The following ARHGAP42 variants were observed in gnomAD, a reference collection of about 807,000 sequenced individuals.
ARHGAP42 encodes rho GTPase-activating protein 42.
ARHGAP42 carries 63 observed loss-of-function variants against 125.0 expected under a neutral mutation model. The ratio of observed to expected loss-of-function variants is 0.50; its 90% confidence interval spans 0.41 to 0.62. ARHGAP42 has a LOEUF of 0.62. Among genes scored for constraint, ARHGAP42 ranks in the 20% least tolerant of loss-of-function variants. The probability of loss-of-function intolerance (pLI) is 0.00; values close to 1 mark genes in which losing one functional copy is unlikely to be tolerated. For synonymous variants in ARHGAP42, 339 were observed against 351.0 expected (o/e 0.97, Z 0.38); for missense variants, 766 against 1,024.2 (o/e 0.75, Z 3.44).
chr11:100,721,268 G>A (rs1044401488), intron 1 of ARHGAP42, among the ~76,000 whole-genome samples: 3 of 151,792 alleles, frequency 2.0e-5, no homozygotes, highest in Admixed American at 6.6e-5. Context: ...CAACTCTCCC[G>A]TGCTTTTCTC....
At chr11:100,864,148 G>A (rs180796199) in intron 4 of ARHGAP42, among the ~76,000 whole-genome samples, 265 of 151,764 alleles carry the variant, frequency 1.7e-3, no homozygotes, top group African/African-American at 6.1e-3. Flanking sequence ...TACATAGACC[G>A]GCTGACTCTG....
At chr11:100,895,945 C>G (rs1218664435) in intron 4 of ARHGAP42, among the ~76,000 whole-genome samples, 2 of 152,086 alleles carry the variant, frequency 1.3e-5, no homozygotes, top group Non-Finnish European at 2.9e-5. Flanking sequence ...CACCCATCAA[C>G]TCGTCATTTA....
intron 20 of ARHGAP42, 67 bp downstream of exon 20, chr11:100,976,504 A>G (rs1858395678): frequency 1.4e-6 from 2 of 1,457,280 alleles, no homozygotes; most frequent in African/African-American, 1.4e-5. Context: ...ATTATTCAGC[A>G]TGGTTAAGCA....
At chr11:100,787,861 A>T (rs1462275424) in intron 2 of ARHGAP42, among the ~76,000 whole-genome samples, 1 of 152,166 alleles carries the variant, frequency 6.6e-6, no homozygotes, top group Non-Finnish European at 1.5e-5. Flanking sequence ...CCAAAGTAGG[A>T]ATTCTTTACA....
At chr11:100,795,881 T>C (rs1281265098) in intron 3 of ARHGAP42, among the ~76,000 whole-genome samples, 1 of 152,214 alleles carries the variant, frequency 6.6e-6, no homozygotes, top group Non-Finnish European at 1.5e-5. Flanking sequence ...GTGATAACGA[T>C]GCTGATAGTC....
chr11:100,902,988 T>C (rs1226147577), intron 4 of ARHGAP42, among the ~76,000 whole-genome samples: 6 of 152,148 alleles, frequency 3.9e-5, no homozygotes, highest in African/African-American at 1.4e-4. Flanking sequence ...TGAATGGAGA[T>C]GTGCCATAGA....
chr11:100,981,893 CTTAGCTTG>C (rs1858553879), intron 22 of ARHGAP42, among the ~76,000 whole-genome samples: 1 of 152,126 alleles, frequency 6.6e-6, no homozygotes. Flanking sequence ...AGCTTCTGAT[CTTAGCTTG>C]TGCATATGTA....
At chr11:100,714,182 T>C (rs1235666820) in intron 1 of ARHGAP42, among the ~76,000 whole-genome samples, 5 of 152,150 alleles carry the variant, frequency 3.3e-5, no homozygotes, top group Non-Finnish European at 5.9e-5. Flanking sequence ...TAGCAGAGCT[T>C]TTATATGATC....
Position 100,779,543 on chromosome 11 carries a change from TATATATACATATAC to T in ARHGAP42, c.250+9109_250+9122del, listed in dbSNP as rs1172116950. Among the ~76,000 whole-genome samples, 14 of 41,140 alleles carry T rather than the reference TATATATACATATAC, an allele frequency of 3.4e-4. 1 individual carries two copies. Among genetic ancestry groups the T allele is most frequent in the Non-Finnish European group, 9.6e-4 (14 of 14,650 alleles). 27.0% of individuals were successfully genotyped at this position (41,140 alleles called of 152,430 possible). ...ACGTATACATGCGTATATATACGTATATATATACATATACATACGTATATATACGTATATATACA... is the reference window on the plus strand; with the variant it reads ...ACGTATACATGCGTATATATACGTATATACGTATATATACGTATATATACA... On this transcript the variant is annotated intron_variant, in intron 2 of 23. Transcript: ENST00000298815.
intron 4 of ARHGAP42, among the ~76,000 whole-genome samples, chr11:100,904,502 C>T (rs1358881092): frequency 6.6e-6 from 1 of 152,198 alleles, no homozygotes; most frequent in African/African-American, 2.4e-5. Flanking sequence ...CCGCCTCGGC[C>T]TCCCAAAGTG....
intron 4 of ARHGAP42, among the ~76,000 whole-genome samples, chr11:100,878,691 G>A (rs528418256): frequency 2.6e-5 from 4 of 152,246 alleles, no homozygotes; most frequent in African/African-American, 7.2e-5. Flanking sequence ...GGAAGAGGAG[G>A]AGAAATGAGT....
chr11:100,925,007 T>A (rs1203281550), intron 6 of ARHGAP42, among the ~76,000 whole-genome samples: 3 of 151,916 alleles, frequency 2.0e-5, no homozygotes, highest in Admixed American at 2.0e-4. Context: ...AATTTTTATA[T>A]TTTTAGTAGA....
intron 2 of ARHGAP42, among the ~76,000 whole-genome samples, chr11:100,787,311 G>C (rs1035327689): frequency 1.3e-5 from 2 of 151,712 alleles, no homozygotes; most frequent in African/African-American, 4.8e-5. Context: ...TCCCCTATGT[G>C]CACTCTATCT....
chr11:100,935,022 C>T (rs1251913528), intron 7 of ARHGAP42, among the ~76,000 whole-genome samples: 3 of 151,710 alleles, frequency 2.0e-5, no homozygotes, highest in African/African-American at 7.3e-5. Flanking sequence ...CATTAAGATT[C>T]CTAGGATTCA....
intron 1 of ARHGAP42, among the ~76,000 whole-genome samples, chr11:100,688,200 G>C (rs1214922534): frequency 6.6e-6 from 1 of 152,056 alleles, no homozygotes; most frequent in Admixed American, 6.5e-5. Context: ...GGAATCAAGA[G>C]TTTGTCTTAA....
At chr11:100,921,721 G>A (rs1170446704) in intron 6 of ARHGAP42, 117 bp downstream of exon 6, 8 of 668,350 alleles carry the variant, frequency 1.2e-5, no homozygotes, top group African/African-American at 3.7e-5. Flanking sequence ...AAAAATAAAA[G>A]GGGAGTGGGA....
intron 22 of ARHGAP42, among the ~76,000 whole-genome samples, chr11:100,981,229 G>A (rs116402508): frequency 0.014 from 2,072 of 152,298 alleles, 48 homozygotes; most frequent in African/African-American, 0.047. Context: ...CAGGTGCTCT[G>A]TAGATGGTTT....
intron 7 of ARHGAP42, among the ~76,000 whole-genome samples, chr11:100,933,562 T>C (rs758621055): frequency 4.6e-5 from 7 of 152,166 alleles, no homozygotes; most frequent in Non-Finnish European, 7.4e-5. Context: ...AACACTGTAT[T>C]GAATACTTGA....
chr11:100,934,775 A>C lies in ARHGAP42; in HGVS notation c.703-1428A>C, dbSNP rs546604400. Among the ~76,000 whole-genome samples the C allele has an allele frequency of 3.9e-5, 6 of 152,342 alleles. No homozygotes were observed. The East Asian group carries it at 1.2e-3, about 29-fold the overall frequency. On this transcript the variant is annotated intron_variant, in intron 7 of 23. Coordinates refer to ENST00000298815, the MANE Select transcript of ARHGAP42 (RefSeq NM_152432.4). Reference sequence around the variant, plus strand: ...TCTTGCTGTTGTGGAAATGTCCAGTAAATAAAACTACAGAGTTAGAATGTC... The same window carrying C: ...TCTTGCTGTTGTGGAAATGTCCAGTCAATAAAACTACAGAGTTAGAATGTC...
Sources: allele counts gnomAD v4.1 joint callset (sites outside exome capture counted in the v4.1 genomes callset), GRCh38; gene constraint gnomAD v4.1.1; transcripts MANE v1.5; gene names NCBI Gene and HGNC (gene_info 2026-07-23, HGNC 2026-07-21).